DDX31: variants seen among roughly 807,000 people sequenced by gnomAD.
DDX31 encodes ATP-dependent DNA helicase DDX31.
In DDX31, 70 loss-of-function variants were observed where a neutral mutation model predicts 91.3. The observed-to-expected ratio is 0.77, with a 90% CI of 0.63 to 0.94. The LOEUF (loss-of-function observed/expected upper bound fraction) is 0.94, where lower values mean the gene tolerates loss of function less well. DDX31 is among the 40% of genes least tolerant of loss of function. The pLI, the probability that DDX31 is intolerant of heterozygous loss-of-function variation, is 0.00. For synonymous variants in DDX31, 362 were observed against 350.6 expected, an observed-to-expected ratio of 1.03 and a Z score of -0.36; for missense variants, 902 against 925.0, an observed-to-expected ratio of 0.98 and a Z score of 0.32.
intron 6 of DDX31, 22 bp from the exon 7 acceptor site, chr9:132,652,514 A>C: frequency 2.5e-6 from 4 of 1,613,930 alleles, no homozygotes; most frequent in Non-Finnish European, 3.4e-6. Flanking sequence ...CAGAAAAAAA[A>C]TGCCATGAGC....
At position 132,652,333 on chromosome 9, in the gene DDX31, C is replaced by G. The variant is rs982064033; in HGVS notation, c.633+115G>C. On this transcript the variant is annotated intron_variant, in intron 7 of 19. Transcript: ENST00000372159. ...AAGGATGGTTTCCAGGCAAATGGAACTGGTGTGCAGTGGCTTGTGCAGTAG... is the reference window on the plus strand; with the variant it reads ...AAGGATGGTTTCCAGGCAAATGGAAGTGGTGTGCAGTGGCTTGTGCAGTAG... 7.6e-6 allele frequency: 9 copies of G among 1,186,518 alleles called. No individual in the cohort carries two copies. The African/African-American group carries it at 1.4e-4, about 18-fold the overall frequency. 73.5% of individuals were successfully genotyped at this position (1,186,518 alleles called of 1,614,324 possible).
chr9:132,669,875 TG>T lies in DDX31; in HGVS notation c.59del (p.Pro20GlnfsTer95). 1 of 1,592,348 alleles carries T rather than the reference TG, an allele frequency of 6.3e-7. No individual in the cohort carries two copies. Among genetic ancestry groups the T allele is most frequent in the Non-Finnish European group, 8.5e-7 (1 of 1,170,616 alleles). Reference protein sequence around the residue: ...DNPRTFSRRPPAQASRQAKAT... With the variant: ...DNPRTFSRRPXAQASRQAKAT... ...CAGAACTCACCCGACTCGCCTGGGC[TG>T]GGGGACGTCTGGAGAACGTCCTGGG... On this transcript the variant is annotated frameshift_variant, in exon 1 of 20. Coordinates refer to ENST00000372159, the MANE Select transcript of DDX31 (RefSeq NM_022779.9). LOFTEE classifies it high-confidence loss of function.
intron 18 of DDX31, among the ~76,000 whole-genome samples, chr9:132,615,324 G>A (rs1831568459): frequency 6.6e-6 from 1 of 152,146 alleles, no homozygotes; most frequent in Non-Finnish European, 1.5e-5. Context: ...AGCCTGGAAG[G>A]TGAAGATCAT....
Position 132,652,491 on chromosome 9 carries a change from C to T in DDX31, c.590G>A (p.Arg197His), listed in dbSNP as rs771416070. 1.9e-5 allele frequency: 30 copies of T among 1,613,890 alleles called. No individual in the cohort carries two copies. Among genetic ancestry groups the T allele is most frequent in the Admixed American group, 3.3e-5 (2 of 59,998 alleles). ...CACCAGGGCATAGGGGCCATCACTG[C>T]GCTGTTGACACACAGAAAAAAAATG... ...SLQAMESKIQ[R>H]SDGPYALVLV... is the part of the protein sequence containing the mutation. Residue 197 changes from arginine to histidine, a missense_variant and splice_region_variant, in exon 7 of 20, where the codon CGC becomes CAC. Coordinates refer to ENST00000372159, the MANE Select transcript of DDX31 (RefSeq NM_022779.9).
chr9:132,665,872 C>A (rs1022892783), intron 1 of DDX31, among the ~76,000 whole-genome samples: 1 of 152,160 alleles, frequency 6.6e-6, no homozygotes, highest in Admixed American at 6.5e-5. Flanking sequence ...AGAGATGTGA[C>A]GTAATTTGTC....
At chr9:132,613,145 G>A (rs986434784) in intron 18 of DDX31, among the ~76,000 whole-genome samples, 3 of 152,132 alleles carry the variant, frequency 2.0e-5, no homozygotes, top group African/African-American at 4.8e-5. Context: ...GCCTCTCAAA[G>A]TGCTTGGGAA....
chr9:132,611,970 T>C, intron 19 of DDX31, 117 bp downstream of exon 19: 2 of 1,364,184 alleles, frequency 1.5e-6, no homozygotes, highest in Non-Finnish European at 2.0e-6. Flanking sequence ...GCTTGTTTAT[T>C]GGGAGAAGGG....
At chr9:132,657,405 A>G (rs945098699) in intron 6 of DDX31, among the ~76,000 whole-genome samples, 5 of 152,036 alleles carry the variant, frequency 3.3e-5, no homozygotes, top group Admixed American at 6.5e-5. Flanking sequence ...CGCCTGAAAC[A>G]ATACTACTGT....
At chr9:132,646,104 T>A (rs774782808) in intron 12 of DDX31, 33 bp from the exon 13 acceptor site, 1 of 1,599,918 alleles carries the variant, frequency 6.3e-7, no homozygotes, top group Non-Finnish European at 8.5e-7. Context: ...AAAACCGACA[T>A]ATTTTAAGAT....
At chr9:132,634,598 T>G (rs1036365772) in intron 14 of DDX31, among the ~76,000 whole-genome samples, 4 of 147,972 alleles carry the variant, frequency 2.7e-5, no homozygotes, top group African/African-American at 1.0e-4. Flanking sequence ...TTTTTTTTTT[T>G]TTTTTTTTTT....
chr9:132,597,616 A>G (rs1248009284), intron 19 of DDX31, among the ~76,000 whole-genome samples: 1 of 152,232 alleles, frequency 6.6e-6, no homozygotes. Context: ...AGTGACTGAT[A>G]CACTAATTGC....
rs764945507 is a variant in DDX31, at chr9:132,662,533, A to G, written c.238T>C (p.Ser80Pro). ...AQKMFSPKKH[S>P]VSTSDRNQEE... is the part of the protein sequence containing the mutation. ...TGGTTTCTATCACTTGTGCTAACCG[A>G]ATGCTTCTTTGGAGAAAACATTTTT... The change falls in exon 2 of 20, where the codon TCG becomes CCG. Residue 80 changes from serine to proline, a missense_variant. Physicochemically the swap from Ser to Pro is moderately conservative, Grantham distance 74. Transcript: ENST00000372159. 4 of 1,614,064 alleles carry G rather than the reference A, an allele frequency of 2.5e-6. No homozygotes were observed. The highest frequency in any genetic ancestry group is 3.4e-6 in the Non-Finnish European group (4 of 1,180,046).
At position 132,633,956 on chromosome 9, in the gene DDX31, T is replaced by G. The variant is rs1233834088; in HGVS notation, c.1441-1865A>C. On this transcript the variant is annotated intron_variant, in intron 14 of 19. Coordinates refer to ENST00000372159, the MANE Select transcript of DDX31 (RefSeq NM_022779.9). ...GGAAGTATGGGAAAGAGGAACATGT[T>G]GAACACCGTGAGGACACAATTAGCC... Among the ~76,000 whole-genome samples the G allele has an allele frequency of 2.0e-5, 3 of 152,196 alleles. No homozygotes were observed. The East Asian group carries it at 5.8e-4, about 29-fold the overall frequency.
chr9:132,646,648 A>G (rs1833858416), intron 12 of DDX31, among the ~76,000 whole-genome samples, 175 bp downstream of exon 12: 4 of 152,206 alleles, frequency 2.6e-5, no homozygotes, highest in Admixed American at 2.6e-4. Context: ...CTGAGTTTTT[A>G]CCATAATCCT....
chr9:132,647,297 A>T (rs1428709492), intron 11 of DDX31, among the ~76,000 whole-genome samples: 1 of 152,190 alleles, frequency 6.6e-6, no homozygotes, highest in Non-Finnish European at 1.5e-5. Context: ...AGCGTCCAAA[A>T]GATAGCAACA....
intron 14 of DDX31, chr9:132,638,448 G>C: frequency 2.5e-6 from 4 of 1,594,520 alleles, no homozygotes; most frequent in Non-Finnish European, 3.4e-6. Flanking sequence ...ACTTGGGAAA[G>C]TGGGCTTTGA....
At chr9:132,613,371 C>T (rs755514393) in intron 18 of DDX31, among the ~76,000 whole-genome samples, 41 of 152,196 alleles carry the variant, frequency 2.7e-4, no homozygotes, top group Admixed American at 9.2e-4. Context: ...TCAAACACTA[C>T]GTCAGGAAAG....
chr9:132,594,064 G>T lies in DDX31; in HGVS notation c.*802C>A, dbSNP rs1363887364. 6.6e-6 allele frequency: 1 copy of T among 151,992 alleles called. No homozygotes were observed. The highest frequency in any genetic ancestry group is 2.4e-5 in the African/African-American group (1 of 41,340). 9.4% of individuals were successfully genotyped at this position (151,992 alleles called of 1,614,324 possible). A position where few individuals can be genotyped will look rare whatever the true frequency, so the allele number is the denominator to read the frequency against. On this transcript the variant is annotated 3_prime_UTR_variant, in exon 20 of 20. Transcript: ENST00000372159. The stretch of plus-strand genomic sequence containing the variant: ...CGGGGGGCGGGCAGCTGTGGCCTGG[G>T]TCACAATACAAAGACCCCCAGACCT...
At chr9:132,597,822 C>T (rs184635402) in intron 19 of DDX31, among the ~76,000 whole-genome samples, 10 of 152,238 alleles carry the variant, frequency 6.6e-5, no homozygotes, top group East Asian at 1.9e-4. Context: ...TCACAAACAC[C>T]GTGGGTCTGG....
Sources: gnomAD v4.1 joint callset for allele counts (sites outside exome capture counted in the v4.1 genomes callset) on GRCh38, gnomAD v4.1.1 for gene constraint, MANE v1.5 for transcripts, NCBI Gene and HGNC (gene_info 2026-07-23, HGNC 2026-07-21) for gene names.